SYNE1: variants seen among roughly 807,000 people sequenced by gnomAD.
SYNE1 encodes the protein nesprin-1.
Under a neutral mutation model 1,111.0 loss-of-function variants are expected in SYNE1, and 616 were observed. The observed-to-expected ratio is 0.55, with a 90% confidence interval of 0.52 to 0.59. The LOEUF is 0.59. SYNE1 is among the 20% of genes least tolerant of loss of function. The probability of loss-of-function intolerance (pLI) is 0.00; values close to 1 mark genes in which losing one functional copy is unlikely to be tolerated. For synonymous variants in SYNE1, 3,855 were observed against 3,825.8 expected (o/e 1.01, Z -0.28); for missense variants, 10,006 against 10,417.0 (o/e 0.96, Z 1.72).
intron 128 of SYNE1, among the ~76,000 whole-genome samples, chr6:152,187,747 T>C (rs1012803314): frequency 6.7e-6 from 1 of 149,812 alleles, no homozygotes; most frequent in African/African-American, 2.5e-5. Flanking sequence ...GAGAGAGAGA[T>C]GGAGTTACGC....
intron 59 of SYNE1, among the ~76,000 whole-genome samples, chr6:152,370,990 G>T (rs533557642): frequency 3.9e-5 from 6 of 152,192 alleles, no homozygotes; most frequent in Non-Finnish European, 7.4e-5. Flanking sequence ...TTGCATGAAG[G>T]CAGGGACTTG....
At chr6:152,229,246 C>T (rs1182495661) in intron 115 of SYNE1, among the ~76,000 whole-genome samples, 3 of 152,078 alleles carry the variant, frequency 2.0e-5, no homozygotes, top group Non-Finnish European at 4.4e-5. Context: ...TTAGGAAACA[C>T]TATAAGGGAA....
At chr6:152,256,301 A>T (rs1213021903) in intron 102 of SYNE1, among the ~76,000 whole-genome samples, 1 of 147,998 alleles carries the variant, frequency 6.8e-6, no homozygotes, top group Non-Finnish European at 1.5e-5. Flanking sequence ...GTGGTGGCAC[A>T]CGCCTGTAGT....
chr6:152,311,779 A>T (rs2171759), intron 87 of SYNE1, among the ~76,000 whole-genome samples: 40,864 of 110,626 alleles, frequency 0.37, 6,106 homozygotes, highest in East Asian at 0.64. Flanking sequence ...TAGACTATTT[A>T]TTTATTTCTT....
intron 61 of SYNE1, chr6:152,368,045 A>C (rs922730945): frequency 7.7e-5 from 12 of 155,324 alleles, no homozygotes; most frequent in African/African-American, 2.9e-4. Flanking sequence ...TAACAATCAT[A>C]GAATAAAAAT....
At chr6:152,206,443 C>T in intron 125 of SYNE1, 81 bp from the exon 126 acceptor site, 1 of 1,489,086 alleles carries the variant, frequency 6.7e-7, no homozygotes, top group Non-Finnish European at 9.2e-7. Flanking sequence ...ATGGCCCTAA[C>T]TTTTGCCCTC....
At position 152,220,890 on chromosome 6, in the gene SYNE1, G is replaced by A; in HGVS notation, c.21813C>T (p.Asn7271=). Residue 7271 remains asparagine, a synonymous_variant, in exon 119 of 146, where the codon AAC becomes AAT. Coordinates refer to ENST00000367255, the MANE Select transcript of SYNE1 (RefSeq NM_182961.4). The stretch of plus-strand genomic sequence containing the variant: ...CAACCTCATCATCGGCAATGTCCTT[G>A]TTTGTGGCTGCCTTCAACAGCTCAT... ...RTNELLKAAT[N]KDIADDEVAT... 6.2e-7 allele frequency: 1 copy of A among 1,614,152 alleles called. No homozygotes were observed. Among genetic ancestry groups the A allele is most frequent in the Non-Finnish European group, 8.5e-7 (1 of 1,180,000 alleles).
At position 152,262,227 on chromosome 6, in the gene SYNE1, CA is replaced by C. The variant is rs754974123; in HGVS notation, c.18816-40del. 3 of 1,592,372 alleles carry C rather than the reference CA, an allele frequency of 1.9e-6. No homozygotes were observed. In the Admixed American group the frequency reaches 5.0e-5, roughly 27 times the overall value. On this transcript the variant is annotated intron_variant, in intron 100 of 145. Coordinates refer to ENST00000367255, the MANE Select transcript of SYNE1 (RefSeq NM_182961.4). ...AAATAATCTAAGTTTACAATGTGCA[CA>C]AAAAAGTGATAAGACAGGTAACTTA...
At chr6:152,563,166 A>T (rs1269282380) in intron 3 of SYNE1, among the ~76,000 whole-genome samples, 2 of 152,020 alleles carry the variant, frequency 1.3e-5, no homozygotes, top group African/African-American at 4.8e-5. Context: ...GATTGTTTTT[A>T]TCATATCTCA....
At chr6:152,508,034 G>C (rs1450773904) in intron 8 of SYNE1, among the ~76,000 whole-genome samples, 3 of 152,074 alleles carry the variant, frequency 2.0e-5, no homozygotes, top group African/African-American at 7.2e-5. Flanking sequence ...CCAAACTAGA[G>C]TCCCACGAAA....
At chr6:152,593,072 T>C (rs964043541) in intron 3 of SYNE1, among the ~76,000 whole-genome samples, 1 of 152,214 alleles carries the variant, frequency 6.6e-6, no homozygotes, top group African/African-American at 2.4e-5. Context: ...TGAGAAGTAT[T>C]TTGGTCTTTA....
chr6:152,373,125 G>A lies in SYNE1; in HGVS notation c.9419C>T (p.Ala3140Val), dbSNP rs146402274. Residue 3140 changes from alanine (A) to valine (V), a missense_variant, in exon 59 of 146, where the codon GCG (alanine) becomes GTG (valine). Coordinates refer to ENST00000367255, the MANE Select transcript of SYNE1 (RefSeq NM_182961.4). The part of the protein sequence containing the change: ...LLSTLLTKEK[A>V]KGIQAKVTAA... ...TGTAACTTTGGCCTGGATCCCTTTC[G>A]CTTTCTCTTTGGTCAGCAGGGTACT... The A allele has an allele frequency of 5.0e-5, 81 of 1,613,916 alleles. No homozygotes were observed. The highest frequency in any genetic ancestry group is 3.6e-4 in the African/African-American group (27 of 74,990).
chr6:152,330,970 T>C lies in SYNE1; in HGVS notation c.13715A>G (p.Asp4572Gly), dbSNP rs755356930. 10 of 1,614,088 alleles carry C rather than the reference T, an allele frequency of 6.2e-6. 1 individual carries two copies. Among genetic ancestry groups the C allele is most frequent in the Non-Finnish European group, 8.5e-6 (10 of 1,180,050 alleles). Reference protein sequence around the residue: ...VSRKHFKEDFDKACHWLKQAD... With the variant: ...VSRKHFKEDFGKACHWLKQAD... ...TTGTTTTAGCCAGTGGCAAGCTTTA[T>C]CAAAATCTTCCTTAAAATGCTTCCT... The change falls in exon 78 of 146, where the codon GAT (aspartate) becomes GGT (glycine). Residue 4572 changes from aspartate to glycine, a missense_variant. By Grantham distance (94) the Asp-to-Gly change is moderately conservative. Transcript: ENST00000367255.
chr6:152,151,879 A>C (rs1235022938), intron 134 of SYNE1, 80 bp downstream of exon 134: 1 of 1,554,630 alleles, frequency 6.4e-7, no homozygotes, highest in African/African-American at 1.4e-5. Context: ...AAAATCACTG[A>C]GACTGTGTCT....
intron 3 of SYNE1, among the ~76,000 whole-genome samples, chr6:152,608,045 C>T (rs2099620943): frequency 6.6e-6 from 1 of 151,922 alleles, no homozygotes; most frequent in Non-Finnish European, 1.5e-5. Context: ...GGGTGAGGGG[C>T]AAGGGGAGGG....
rs528237456 is a variant in SYNE1 at position 152,331,617 on chromosome 6, T to C, written c.13068A>G (p.Leu4356=). 1.9e-6 allele frequency: 3 copies of C among 1,614,138 alleles called. No homozygotes were observed. The South Asian group carries it at 3.3e-5, about 18-fold the overall frequency. Residue 4356 remains leucine (L), a synonymous_variant, in exon 78 of 146, where the codon CTA becomes CTG. Coordinates refer to ENST00000367255, the MANE Select transcript of SYNE1 (RefSeq NM_182961.4). ...GTTGTTGCTCTTCTGCCCACTCCATTAGCTCCTGAAATCTGGACTGCACCA... is the reference window on the plus strand; with the variant it reads ...GTTGTTGCTCTTCTGCCCACTCCATCAGCTCCTGAAATCTGGACTGCACCA... ...LNVVQSRFQE[L]MEWAEEQQPN...
intron 30 of SYNE1, among the ~76,000 whole-genome samples, chr6:152,444,032 T>C (rs1407424259): frequency 6.6e-6 from 1 of 152,202 alleles, no homozygotes; most frequent in African/African-American, 2.4e-5. Flanking sequence ...TTTAATATAA[T>C]GACAAAAGAA....
At chr6:152,281,698 G>C in intron 97 of SYNE1, 109 bp downstream of exon 97, 1 of 1,174,360 alleles carries the variant, frequency 8.5e-7, no homozygotes, top group Non-Finnish European at 1.2e-6. Context: ...AAGTCTATGG[G>C]TTGGGAAAAA....
At position 152,570,049 on chromosome 6, in the gene SYNE1, A is replaced by C. The variant is rs191496544; in HGVS notation, c.68-30028T>G. Among the ~76,000 whole-genome samples the C allele has an allele frequency of 3.5e-3, 528 of 152,326 alleles. 3 individuals carry two copies. The highest frequency in any genetic ancestry group is 0.012 in the African/African-American group (502 of 41,574). ...TTTCTGAAATAATTTAAAAACAAAA[A>C]GCATAAGTCTAGCAATTATTTCGTG... On this transcript the variant is annotated intron_variant, in intron 3 of 145. Transcript: ENST00000367255.
Sources: allele counts gnomAD v4.1 joint callset (sites outside exome capture counted in the v4.1 genomes callset), GRCh38; gene constraint gnomAD v4.1.1; transcripts MANE v1.5; gene names NCBI Gene and HGNC (gene_info 2026-07-23, HGNC 2026-07-21).